CHLSN: variants seen among roughly 807,000 people sequenced by gnomAD.
CHLSN encodes the protein protein cholesin.
the CHLSN span, among the ~76,000 whole-genome samples, chr7:990,923 C>G: frequency 6.6e-6 from 1 of 152,092 alleles, no homozygotes; most frequent in Admixed American, 6.5e-5. Flanking sequence ...GTTGTCAGGG[C>G]TCCCGGGTGG....
At chr7:997,680 G>A in the CHLSN span, 17 of 1,610,334 alleles carry the variant, frequency 1.1e-5, no homozygotes, top group Non-Finnish European at 1.4e-5. Context: ...CGGCAGGGGG[G>A]GATCAGAGCC....
chr7:1,137,311 TTACCA>T, the CHLSN span: 1 of 152,502 alleles, frequency 6.6e-6, no homozygotes, highest in African/African-American at 2.4e-5. Context: ...TCCATGGCAC[TTACCA>T]TCACCTGCTC....
the CHLSN span, among the ~76,000 whole-genome samples, chr7:1,087,452 T>C: frequency 1.3e-5 from 2 of 152,250 alleles, no homozygotes; most frequent in African/African-American, 4.8e-5. Flanking sequence ...ATACACACCT[T>C]ATACACACTG....
the CHLSN span, among the ~76,000 whole-genome samples, chr7:985,649 A>C: frequency 6.6e-6 from 1 of 152,208 alleles, no homozygotes; most frequent in East Asian, 1.9e-4. Context: ...CTGCCCCCCA[A>C]GCCCTGACAG....
At chr7:1,052,270 G>C in the CHLSN span, among the ~76,000 whole-genome samples, 1 of 152,254 alleles carries the variant, frequency 6.6e-6, no homozygotes, top group African/African-American at 2.4e-5. This position sits in a 1 kb window ranked among gnomAD's most constrained non-coding sequence, Gnocchi z 4.2. Flanking sequence ...GAGAGGCAAG[G>C]CTGACCTGCA....
At chr7:1,136,433 C>G in the CHLSN span, among the ~76,000 whole-genome samples, 2 of 100,038 alleles carry the variant, frequency 2.0e-5, no homozygotes, top group African/African-American at 5.3e-5. Context: ...TATATATAAA[C>G]ATATATATAA....
the CHLSN span, among the ~76,000 whole-genome samples, chr7:1,104,766 C>A: frequency 3.3e-5 from 5 of 152,230 alleles, no homozygotes; most frequent in African/African-American, 1.2e-4. Context: ...CATACCACTA[C>A]AAAAATAATT....
the CHLSN span, among the ~76,000 whole-genome samples, chr7:1,133,751 CAAA>C: frequency 8.7e-6 from 1 of 114,984 alleles, no homozygotes; most frequent in Non-Finnish European, 1.8e-5. Flanking sequence ...GACTCCATCT[CAAA>C]AAAAAAAAAA....
chr7:1,072,050 G>A, the CHLSN span, among the ~76,000 whole-genome samples: 1 of 152,182 alleles, frequency 6.6e-6, no homozygotes, highest in African/African-American at 2.4e-5. Flanking sequence ...GGGGCCCAGC[G>A]CTCAGGATGG....
At chr7:1,103,072 C>A in the CHLSN span, among the ~76,000 whole-genome samples, 1 of 152,202 alleles carries the variant, frequency 6.6e-6, no homozygotes, top group Non-Finnish European at 1.5e-5. Context: ...GCGTGCGGGC[C>A]GGGGTCTGGA....
chr7:983,103 C>T, the CHLSN span: 12 of 884,788 alleles, frequency 1.4e-5, no homozygotes, highest in South Asian at 1.9e-4. Context: ...TCCACATTCT[C>T]GGGGTGGTGG....
chr7:1,123,344 G>T, the CHLSN span, among the ~76,000 whole-genome samples: 1 of 152,218 alleles, frequency 6.6e-6, no homozygotes, highest in African/African-American at 2.4e-5. The surrounding 1 kb of genome is among the most constrained non-coding windows in gnomAD (Gnocchi z 4.4). Context: ...ACGGGGCCCC[G>T]GGAGTGGCCG....
the CHLSN span, chr7:987,354 G>A: frequency 6.3e-7 from 1 of 1,580,118 alleles, no homozygotes; most frequent in East Asian, 2.3e-5. Context: ...CAGGCCGGGT[G>A]CAGGAGGAGC....
At chr7:1,051,738 C>T in the CHLSN span, among the ~76,000 whole-genome samples, 2 of 152,238 alleles carry the variant, frequency 1.3e-5, no homozygotes, top group African/African-American at 4.8e-5. Context: ...CTTTGGGAGA[C>T]TGAGGCAGGA....
At chr7:1,079,154 G>A in the CHLSN span, among the ~76,000 whole-genome samples, 1 of 152,242 alleles carries the variant, frequency 6.6e-6, no homozygotes, top group African/African-American at 2.4e-5. Context: ...AGGTGGCTAC[G>A]GGAGGAGCAG....
chr7:1,132,183 C>A, the CHLSN span, among the ~76,000 whole-genome samples: 1 of 152,054 alleles, frequency 6.6e-6, no homozygotes, highest in East Asian at 1.9e-4. Flanking sequence ...AAACACGTGG[C>A]AAAAGAAAAA....
the CHLSN span, chr7:984,977 G>A: frequency 6.2e-7 from 1 of 1,607,776 alleles, no homozygotes; most frequent in Non-Finnish European, 8.5e-7. Context: ...GGGGCGCGCT[G>A]GAGGGCTGCC....
chr7:1,047,371 T>A, the CHLSN span, among the ~76,000 whole-genome samples: 1 of 152,216 alleles, frequency 6.6e-6, no homozygotes, highest in African/African-American at 2.4e-5. Context: ...CAGTTTGGAA[T>A]TGTAAAAAGC....
At chr7:1,071,577 G>A in the CHLSN span, among the ~76,000 whole-genome samples, 1 of 149,816 alleles carries the variant, frequency 6.7e-6, no homozygotes, top group Non-Finnish European at 1.5e-5. Flanking sequence ...GGAGAGGGAG[G>A]AGAAGTACCA....
Sources: allele counts gnomAD v4.1 joint callset (sites outside exome capture counted in the v4.1 genomes callset), GRCh38; gene constraint gnomAD v4.1.1; non-coding constraint Gnocchi (gnomAD v3.1); transcripts MANE v1.5; gene names NCBI Gene and HGNC (gene_info 2026-07-23, HGNC 2026-07-21).